The following LIG3 variants were observed in gnomAD, a reference collection of about 807,000 sequenced individuals.
LIG3 encodes DNA ligase 3, also known as ligase II, DNA, ATP-dependent.
A neutral mutation model predicts 110.9 loss-of-function variants in LIG3; 58 were observed. That is an observed-to-expected ratio of 0.52 (90% CI 0.42 to 0.65). The LOEUF (loss-of-function observed/expected upper bound fraction) is 0.65, where lower values mean the gene tolerates loss of function less well. Among genes scored for constraint, LIG3 ranks in the 30% least tolerant of loss-of-function variants. The pLI is 0.00. For missense variants in LIG3, 1,094 were observed against 1,273.8 expected (o/e 0.86, Z 2.15); for synonymous variants, 422 against 472.8 (o/e 0.89, Z 1.39).
intron 1 of LIG3, 114 bp downstream of exon 1, chr17:34,980,736 G>C (rs1378758710): frequency 3.9e-6 from 2 of 514,720 alleles, no homozygotes; most frequent in African/African-American, 4.1e-5. Flanking sequence ...CTCCTCCCCC[G>C]CCCGCCTGCG....
chr17:34,997,866 G>C (rs1332451071), intron 12 of LIG3, 41 bp downstream of exon 12: 1 of 1,494,160 alleles, frequency 6.7e-7, no homozygotes, highest in Non-Finnish European at 9.3e-7. Flanking sequence ...CTAGAAGTTT[G>C]AAAGCAGGGC....
intron 8 of LIG3, among the ~76,000 whole-genome samples, chr17:34,992,903 G>A (rs1251338943): frequency 6.6e-6 from 1 of 152,098 alleles, no homozygotes; most frequent in Non-Finnish European, 1.5e-5. Flanking sequence ...TGAGTTGTAG[G>A]CCCAGCTACG....
Position 35,002,737 on chromosome 17 carries a change from T to C in LIG3, c.2744T>C (p.Val915Ala). 6.2e-7 allele frequency: 1 copy of C among 1,612,526 alleles called. No individual in the cohort carries two copies. Among genetic ancestry groups the C allele is most frequent in the South Asian group, 1.1e-5 (1 of 90,792 alleles). ...AAGCTGGCCACAAAGTCTTCTCCAG[T>C]GAAAGTAGGGGAGAAGCGGAAAGCT... ...GEKLATKSSP[V>A]KVGEKRKAAD... Residue 915 changes from valine to alanine, a missense_variant, in exon 19 of 20, where the codon GTG becomes GCG. Physicochemically the swap from Val to Ala is moderately conservative, Grantham distance 64. Transcript: ENST00000378526.
chr17:34,984,462 C>G (rs976544293), intron 2 of LIG3, among the ~76,000 whole-genome samples: 5 of 152,118 alleles, frequency 3.3e-5, no homozygotes, highest in African/African-American at 4.8e-5. Context: ...CCTTCATTAA[C>G]TTTTTTTAAT....
At chr17:34,990,192 T>G (rs534722745) in intron 4 of LIG3, among the ~76,000 whole-genome samples, 1 of 152,322 alleles carries the variant, frequency 6.6e-6, no homozygotes, top group African/African-American at 2.4e-5. Context: ...CCATGCTGTC[T>G]CCTACTATAG....
chr17:35,007,296 G>T lies in LIG3; in HGVS notation c.*2790G>T, dbSNP rs2090902175. 6.6e-6 allele frequency: 1 copy of T among 152,226 alleles called. No individual in the cohort carries two copies. Among genetic ancestry groups the T allele is most frequent in the Admixed American group, 6.5e-5 (1 of 15,286 alleles). 9.4% of individuals were successfully genotyped at this position (152,226 alleles called of 1,614,324 possible). On this transcript the variant is annotated 3_prime_UTR_variant, in exon 20 of 20. Transcript: ENST00000378526. ...TGTTATTGCCATTTCAATGTCAGTGGTTTTTTATGTATTTTCTTCCAGTCT... is the reference window on the plus strand; with the variant it reads ...TGTTATTGCCATTTCAATGTCAGTGTTTTTTTATGTATTTTCTTCCAGTCT...
chr17:34,999,232 C>T, intron 14 of LIG3, 75 bp from the exon 15 acceptor site: 2 of 1,511,574 alleles, frequency 1.3e-6, no homozygotes, highest in Non-Finnish European at 1.8e-6. Context: ...CCAAGGTCCT[C>T]TCCCTGGCCC....
At position 34,989,490 on chromosome 17, in the gene LIG3, C is replaced by A; in HGVS notation, c.716C>A (p.Ala239Asp). Residue 239 changes from alanine to aspartate, a missense_variant, in exon 4 of 20, where the codon GCC (alanine) becomes GAC (aspartate). Transcript: ENST00000378526. The stretch of plus-strand genomic sequence containing the variant: ...GCCAAGCCCAACAACTCTGGGGAAG[C>A]CCCCTCGAGCCCCACCCCTAAGAGA... ...FSAKPNNSGE[A>D]PSSPTPKRSL... 6.2e-7 allele frequency: 1 copy of A among 1,614,006 alleles called. No individual in the cohort carries two copies.
Position 34,990,972 on chromosome 17 carries a change from AC to A in LIG3, c.900del (p.His300GlnfsTer6). 1 of 1,614,012 alleles carries A rather than the reference AC, an allele frequency of 6.2e-7. No individual in the cohort carries two copies. The highest frequency in any genetic ancestry group is 8.5e-7 in the Non-Finnish European group (1 of 1,179,930). On this transcript the variant is annotated frameshift_variant, in exon 5 of 20. Transcript: ENST00000378526. LOFTEE classifies it high-confidence loss of function. ...TTCCTTCTGTCTCCAGATGGTTTCC[AC>A]GGTGATGTGTACCTAACAGTGAAGC... Reference protein sequence around the residue: ...LRKGSAGDGFHGDVYLTVKLL... With the variant: ...LRKGSAGDGFXGDVYLTVKLL...
intron 16 of LIG3, among the ~76,000 whole-genome samples, 163 bp from the exon 17 acceptor site, chr17:35,001,094 C>T (rs1031311605): frequency 1.4e-5 from 2 of 147,380 alleles, no homozygotes; most frequent in East Asian, 2.0e-4. Context: ...TTTGTAGAGA[C>T]GGGGTTGCGT....
intron 9 of LIG3, among the ~76,000 whole-genome samples, chr17:34,994,695 T>C (rs2090760493): frequency 6.6e-6 from 1 of 152,220 alleles, no homozygotes; most frequent in African/African-American, 2.4e-5. Context: ...CACAGTGATA[T>C]TGGGACAGTG....
intron 4 of LIG3, 37 bp from the exon 5 acceptor site, chr17:34,990,926 A>G: frequency 1.9e-6 from 3 of 1,604,366 alleles, no homozygotes; most frequent in Non-Finnish European, 2.6e-6. Flanking sequence ...TATTTGTTTA[A>G]GCTCTATTTC....
At chr17:35,002,642 C>T (rs1349487968) in intron 18 of LIG3, 26 bp from the exon 19 acceptor site, 1 of 1,606,420 alleles carries the variant, frequency 6.2e-7, no homozygotes, top group Non-Finnish European at 8.5e-7. Flanking sequence ...TGCACCACCA[C>T]ACCCAGCTTC....
intron 13 of LIG3, 113 bp from the exon 14 acceptor site, chr17:34,998,491 C>T (rs1284152639): frequency 1.5e-6 from 2 of 1,374,152 alleles, no homozygotes; most frequent in South Asian, 1.3e-5. Flanking sequence ...CCTGAGGGCT[C>T]TTACCCTGAG....
chr17:35,003,357 G>A, intron 19 of LIG3: 1 of 353,786 alleles, frequency 2.8e-6, no homozygotes, highest in South Asian at 3.6e-5. Context: ...GGAGTGAAGT[G>A]GTGCAATCAC....
At position 35,005,678 on chromosome 17, in the gene LIG3, A is replaced by G. The variant is rs760333303; in HGVS notation, c.*1172A>G. On this transcript the variant is annotated 3_prime_UTR_variant, in exon 20 of 20. Coordinates refer to ENST00000378526, the MANE Select transcript of LIG3 (RefSeq NM_013975.4). ...TATTCATTGGATTCGTCTGTGTCCT[A>G]CTGAGTTTTTTCATGGCTGGAGTAT... 3 of 563,464 alleles carry G rather than the reference A, an allele frequency of 5.3e-6. No homozygotes were observed. The highest frequency in any genetic ancestry group is 1.9e-5 in the African/African-American group (1 of 53,072). 34.9% of individuals were successfully genotyped at this position (563,464 alleles called of 1,614,324 possible).
chr17:35,002,213 G>C, intron 18 of LIG3, 109 bp downstream of exon 18: 1 of 974,316 alleles, frequency 1.0e-6, no homozygotes, highest in South Asian at 1.8e-5. Flanking sequence ...ATGATTATCT[G>C]TGTCCACTGC....
chr17:35,003,195 A>G, intron 19 of LIG3: 2 of 1,494,348 alleles, frequency 1.3e-6, no homozygotes, highest in Non-Finnish European at 1.8e-6. Context: ...TCCAGCAAGC[A>G]GCGAGTCGGG....
intron 1 of LIG3, chr17:34,981,239 A>C (rs190983905): frequency 6.6e-6 from 1 of 152,344 alleles, no homozygotes; most frequent in African/African-American, 2.4e-5. Context: ...GCCTCCCTCA[A>C]GTCCACTCCT....
Sources: gnomAD v4.1 joint callset for allele counts (sites outside exome capture counted in the v4.1 genomes callset) on GRCh38, gnomAD v4.1.1 for gene constraint, MANE v1.5 for transcripts, NCBI Gene and HGNC (gene_info 2026-07-23, HGNC 2026-07-21) for gene names.